Variants in CDH10 observed in about 807,000 individuals in gnomAD.
CDH10 encodes cadherin 10, also known as cadherin-10.
Under a neutral mutation model 73.1 loss-of-function variants are expected in CDH10, and 30 were observed. That is an observed-to-expected ratio of 0.41 (90% CI 0.31 to 0.56). The LOEUF (loss-of-function observed/expected upper bound fraction) is 0.56, where lower values mean the gene tolerates loss of function less well. Ranked by LOEUF, CDH10 falls within the 20% of genes least tolerant of loss-of-function variation. CDH10 has a pLI of 0.27. For synonymous variants in CDH10, 345 were observed against 348.2 expected (o/e 0.99, Z 0.10); for missense variants, 815 against 973.7 (o/e 0.84, Z 2.17).
At chr5:24,509,051 G>A (rs1019782456) in intron 7 of CDH10, among the ~76,000 whole-genome samples, 1 of 151,896 alleles carries the variant, frequency 6.6e-6, no homozygotes, top group African/African-American at 2.4e-5. Context: ...TGCATGCCCT[G>A]GCCCAAAAAC....
In CDH10 at chr5:24,634,348, C is replaced by T. The variant is rs566088092; in HGVS notation, c.-124+10246G>A. The stretch of plus-strand genomic sequence containing the variant: ...TGTGAAACTTAAAGAGAAAGTATGT[C>T]AAAGTTTTTAGCCTTTGTAAAGTCC... On this transcript the variant is annotated intron_variant, in intron 1 of 11. Transcript: ENST00000264463. 4.0e-5 allele frequency among the ~76,000 whole-genome samples: 6 copies of T among 151,760 alleles called. No homozygotes were observed. The South Asian group carries it at 1.2e-3, about 31-fold the overall frequency.
chr5:24,597,019 A>C (rs1462685451), intron 1 of CDH10, among the ~76,000 whole-genome samples: 3 of 152,028 alleles, frequency 2.0e-5, no homozygotes, highest in African/African-American at 7.2e-5. Flanking sequence ...AAATGCTAAA[A>C]TTAATGAAAT....
intron 5 of CDH10, 31 bp from the exon 6 acceptor site, chr5:24,511,545 C>CAGAGAGAGACAGAGAG (rs1742907517): frequency 4.0e-6 from 2 of 497,310 alleles, no homozygotes; most frequent in African/African-American, 4.5e-5. Flanking sequence ...AAGAGAGAGA[C>CAGAGAGAGACAGAGAG]AGAGAGAGAG....
In CDH10 at chr5:24,487,909, G is replaced by A. The variant is rs1293883738; in HGVS notation, c.2121C>T (p.Asn707=). 1.9e-6 allele frequency: 3 copies of A among 1,613,876 alleles called. No homozygotes were observed. Among genetic ancestry groups the A allele is most frequent in the East Asian group, 2.2e-5 (1 of 44,826 alleles). The change falls in exon 12 of 12, where the codon AAC becomes AAT. Residue 707 remains asparagine, a synonymous_variant. Transcript: ENST00000264463. Reference sequence around the variant, plus strand: ...CATTAATGAAATCCCGGACGTCCGTGTTATCTGGAGCTGTAGGAGTCCTCC... The same window carrying A: ...CATTAATGAAATCCCGGACGTCCGTATTATCTGGAGCTGTAGGAGTCCTCC... ...IPRRTPTAPD[N]TDVRDFINER... is the part of the protein sequence containing the mutation.
chr5:24,579,649 G>C (rs920337059), intron 2 of CDH10, among the ~76,000 whole-genome samples: 1 of 152,088 alleles, frequency 6.6e-6, no homozygotes, highest in Non-Finnish European at 1.5e-5. Context: ...CTTAGCAGCA[G>C]CTTTTGACAA....
At position 24,498,452 on chromosome 5, in the gene CDH10, T is replaced by C. The variant is rs1483200538; in HGVS notation, c.1461A>G (p.Pro487=). The C allele has an allele frequency of 1.3e-6, 2 of 1,598,932 alleles. No individual in the cohort carries two copies. Among genetic ancestry groups the C allele is most frequent in the East Asian group, 2.2e-5 (1 of 44,748 alleles). ...VRILDVNDNA[P]QFAVFYDTFV... is the part of the protein sequence containing the mutation. The stretch of plus-strand genomic sequence containing the variant: ...AAGTGTCATAGAACACAGCAAACTG[T>C]GGGGCATTGTCATTAACATCCAAAA... The change falls in exon 9 of 12, where the codon CCA becomes CCG. Residue 487 remains proline (P), a synonymous_variant. Coordinates refer to ENST00000264463, the MANE Select transcript of CDH10 (RefSeq NM_006727.5).
intron 2 of CDH10, among the ~76,000 whole-genome samples, chr5:24,545,048 T>C (rs1744291202): frequency 1.3e-5 from 2 of 152,170 alleles, no homozygotes; most frequent in Non-Finnish European, 2.9e-5. Flanking sequence ...AAGTGGTATA[T>C]AAAACACAAA....
chr5:24,577,757 G>A (rs1745656630), intron 2 of CDH10, among the ~76,000 whole-genome samples: 3 of 152,052 alleles, frequency 2.0e-5, no homozygotes, highest in South Asian at 2.1e-4. Context: ...GAGGCTATAG[G>A]ACGGCCATGC....
chr5:24,507,776 A>C (rs1449258538), intron 7 of CDH10, among the ~76,000 whole-genome samples: 1 of 152,180 alleles, frequency 6.6e-6, no homozygotes, highest in Non-Finnish European at 1.5e-5. Context: ...AAGAAAAAAA[A>C]ACACAAGGAA....
At chr5:24,525,193 A>G (rs1290864311) in intron 5 of CDH10, among the ~76,000 whole-genome samples, 1 of 152,064 alleles carries the variant, frequency 6.6e-6, no homozygotes, top group Non-Finnish European at 1.5e-5. Flanking sequence ...GTTTAGCGAC[A>G]AACAGCTGCT....
chr5:24,568,840 G>A lies in CDH10; in HGVS notation c.231+24420C>T, dbSNP rs182992377. On this transcript the variant is annotated intron_variant, in intron 2 of 11. Transcript: ENST00000264463. ...AAGAAAGGATTTCTTGTCCAGGAGCGGTGGTTCACACTTGTAATCCCAGCA... is the reference window on the plus strand; with the variant it reads ...AAGAAAGGATTTCTTGTCCAGGAGCAGTGGTTCACACTTGTAATCCCAGCA... Among the ~76,000 whole-genome samples, 81 of 152,126 alleles carry A rather than the reference G, an allele frequency of 5.3e-4. 1 individual carries two copies. Among genetic ancestry groups the A allele is most frequent in the African/African-American group, 1.8e-3 (75 of 41,500 alleles).
chr5:24,563,597 C>CAAAAAAAAAAAA (rs70965616), intron 2 of CDH10, among the ~76,000 whole-genome samples: 5 of 88,724 alleles, frequency 5.6e-5, no homozygotes, highest in African/African-American at 1.3e-4. Flanking sequence ...ACTAAAAATA[C>CAAAAAAAAAAAA]AAAAAAAAAA....
intron 2 of CDH10, 80 bp from the exon 3 acceptor site, chr5:24,537,754 A>AT: frequency 1.2e-6 from 1 of 857,676 alleles, no homozygotes; most frequent in Non-Finnish European, 1.8e-6. Flanking sequence ...AAGGTCTTTC[A>AT]TGTCTCATCA....
intron 8 of CDH10, among the ~76,000 whole-genome samples, chr5:24,503,426 T>C (rs1376484081): frequency 2.6e-5 from 4 of 152,198 alleles, no homozygotes; most frequent in African/African-American, 9.6e-5. Flanking sequence ...CATGGGCCTG[T>C]GACCCAAGCA....
Position 24,511,601 on chromosome 5 carries a change from T to C in CDH10, c.815-87A>G. 11 of 654,002 alleles carry C rather than the reference T, an allele frequency of 1.7e-5. No individual in the cohort carries two copies. In the South Asian group the frequency reaches 2.1e-4, roughly 13 times the overall value. 40.5% of individuals were successfully genotyped at this position (654,002 alleles called of 1,614,324 possible). On this transcript the variant is annotated intron_variant, in intron 5 of 11. Transcript: ENST00000264463. Reference sequence around the variant, plus strand: ...AGAGAGAGAGAGAGAGATTTCTCAATAGAATAGCCAAAAGCAAAACATGTA... The same window carrying C: ...AGAGAGAGAGAGAGAGATTTCTCAACAGAATAGCCAAAAGCAAAACATGTA...
chr5:24,497,322 A>G (rs916711060), intron 9 of CDH10, among the ~76,000 whole-genome samples: 2 of 151,960 alleles, frequency 1.3e-5, no homozygotes, highest in Non-Finnish European at 2.9e-5. Context: ...AAAAGACTTC[A>G]GCTTATATCA....
At chr5:24,642,958 C>G (rs1280678907) in intron 1 of CDH10, among the ~76,000 whole-genome samples, 2 of 140,884 alleles carry the variant, frequency 1.4e-5, no homozygotes, top group African/African-American at 5.2e-5. Context: ...GACATTGACT[C>G]ACACTTTAAT....
At chr5:24,562,708 C>A (rs1745002939) in intron 2 of CDH10, among the ~76,000 whole-genome samples, 3 of 152,096 alleles carry the variant, frequency 2.0e-5, no homozygotes, top group Admixed American at 6.6e-5. Flanking sequence ...GAGAGAACAT[C>A]TATTCTCACT....
intron 2 of CDH10, among the ~76,000 whole-genome samples, chr5:24,572,846 T>C (rs1745437400): frequency 6.8e-6 from 1 of 146,556 alleles, no homozygotes. Flanking sequence ...GTGCCTCACA[T>C]ATGATCTGTA....
Sources: allele counts gnomAD v4.1 joint callset (sites outside exome capture counted in the v4.1 genomes callset), GRCh38; gene constraint gnomAD v4.1.1; transcripts MANE v1.5; gene names NCBI Gene and HGNC (gene_info 2026-07-23, HGNC 2026-07-21).